Variants in NPLOC4 observed in about 807,000 individuals in gnomAD.
NPLOC4 encodes nuclear protein localization protein 4 homolog.
In NPLOC4, 18 loss-of-function variants were observed where a neutral mutation model predicts 80.6. The ratio of observed to expected loss-of-function variants is 0.22; its 90% confidence interval spans 0.15 to 0.33. The LOEUF (loss-of-function observed/expected upper bound fraction) is 0.33, where lower values mean the gene tolerates loss of function less well. Ranked by LOEUF, NPLOC4 falls within the 10% of genes least tolerant of loss-of-function variation. NPLOC4 has a pLI of 1.00. For missense variants in NPLOC4, 540 were observed against 786.1 expected (o/e 0.69, Z 3.74); for synonymous variants, 313 against 301.5 (o/e 1.04, Z -0.39).
chr17:81,633,556 T>C (rs563411514), intron 1 of NPLOC4, among the ~76,000 whole-genome samples: 61 of 152,258 alleles, frequency 4.0e-4, no homozygotes, highest in African/African-American at 1.4e-3. Context: ...TGACACAGAC[T>C]ACAAAATGAA....
chr17:81,560,809 G>A (rs899956479), intron 16 of NPLOC4: 2 of 152,202 alleles, frequency 1.3e-5, no homozygotes, highest in South Asian at 4.1e-4. Context: ...AGGGTGGCAC[G>A]GTTTTGCCTC....
chr17:81,589,599 T>C (rs951623319), intron 11 of NPLOC4, among the ~76,000 whole-genome samples: 8 of 151,066 alleles, frequency 5.3e-5, no homozygotes, highest in African/African-American at 1.7e-4. Flanking sequence ...GCACAAGACC[T>C]AGCACAGTCA....
intron 16 of NPLOC4, 149 bp downstream of exon 16, chr17:81,565,356 A>C (rs912388027): frequency 1.3e-6 from 1 of 745,602 alleles, no homozygotes; most frequent in African/African-American, 1.7e-5. Context: ...AGGGAGGCCG[A>C]GTCTCTACTC....
intron 1 of NPLOC4, among the ~76,000 whole-genome samples, chr17:81,630,298 T>A (rs1373355818): frequency 1.3e-5 from 2 of 152,134 alleles, no homozygotes; most frequent in African/African-American, 2.4e-5. Context: ...TACTTTTTTT[T>A]TGCTTTTTTG....
chr17:81,581,963 C>T (rs1009533833), intron 12 of NPLOC4, among the ~76,000 whole-genome samples: 7 of 152,180 alleles, frequency 4.6e-5, no homozygotes, highest in African/African-American at 7.2e-5. Context: ...GTCTCTGGGA[C>T]GTGCTGACAG....
chr17:81,593,253 CTT>C (rs1303974322), intron 11 of NPLOC4, among the ~76,000 whole-genome samples: 1 of 152,016 alleles, frequency 6.6e-6, no homozygotes, highest in East Asian at 1.9e-4. Context: ...AGGGCACACT[CTT>C]CTGCTTGGAA....
intron 13 of NPLOC4, among the ~76,000 whole-genome samples, chr17:81,570,235 G>A (rs1197239655): frequency 6.6e-6 from 1 of 152,250 alleles, no homozygotes; most frequent in East Asian, 1.9e-4. Flanking sequence ...CGGCTACATG[G>A]CCTCGTCAGT....
intron 8 of NPLOC4, among the ~76,000 whole-genome samples, chr17:81,602,158 T>C (rs7503932): frequency 0.082 from 12,535 of 152,088 alleles, 590 homozygotes; most frequent in Middle Eastern, 0.17. Flanking sequence ...CATACACCGA[T>C]AGTCCCAGCT....
At chr17:81,582,990 C>A (rs12601028) in intron 12 of NPLOC4, among the ~76,000 whole-genome samples, 3 of 152,276 alleles carry the variant, frequency 2.0e-5, no homozygotes, top group African/African-American at 7.2e-5. Context: ...GGCGCCGCCC[C>A]TGCGCACTCA....
At chr17:81,594,274 CAAAAAAAAAAAAAAAA>C (rs869281063) in intron 11 of NPLOC4, among the ~76,000 whole-genome samples, 3 of 53,666 alleles carry the variant, frequency 5.6e-5, no homozygotes, top group East Asian at 1.5e-3. Flanking sequence ...GACTCCGTCT[CAAAAAAAAAAAAAAAA>C]AAAAAAAAAA....
chr17:81,569,212 C>T, intron 13 of NPLOC4, 101 bp from the exon 14 acceptor site: 1 of 707,724 alleles, frequency 1.4e-6, no homozygotes, highest in Non-Finnish European at 2.5e-6. Context: ...ATTAACGACT[C>T]CTAGCAATTC....
rs8068511 is a variant in NPLOC4, at chr17:81,557,764, T to A, written c.*1495A>T. 85,725 of 152,126 alleles carry A rather than the reference T, an allele frequency of 0.56. 25,203 individuals are homozygous for A. Among genetic ancestry groups the A allele is most frequent in the South Asian group, 0.68 (3,262 of 4,824 alleles). The allele number at this position is 152,126 out of a possible 1,614,324, so 9.4% of individuals were successfully genotyped here. A position where few individuals can be genotyped will look rare whatever the true frequency, so the allele number is the denominator to read the frequency against. The stretch of plus-strand genomic sequence containing the variant: ...CTCCACCCTTCCTGACCCTCCACAA[T>A]AGCTCTGCCGTGACCAGACCCAACC... On this transcript the variant is annotated 3_prime_UTR_variant, in exon 17 of 17. Coordinates refer to ENST00000331134, the MANE Select transcript of NPLOC4 (RefSeq NM_017921.4).
chr17:81,566,642 G>A (rs1157085583), intron 15 of NPLOC4: 2 of 152,232 alleles, frequency 1.3e-5, no homozygotes, highest in Non-Finnish European at 2.9e-5. Context: ...AAACTAGCAG[G>A]ATACAAGAAC....
chr17:81,594,947 AAACG>A (rs199554826), intron 11 of NPLOC4, among the ~76,000 whole-genome samples: 1,982 of 152,136 alleles, frequency 0.013, 63 homozygotes, highest in African/African-American at 0.045. Context: ...GTCTCAAAAC[AAACG>A]AACAAACAAA....
In NPLOC4 at chr17:81,559,087, A is replaced by G; in HGVS notation, c.*172T>C. On this transcript the variant is annotated 3_prime_UTR_variant, in exon 17 of 17. Transcript: ENST00000331134. ...ATACCAGCCGTGGCGCCCGCTCTCC[A>G]GGGAGGAACGTGCTGAGAAGCTTCA... is the stretch of plus-strand genomic sequence containing the variant. The G allele has an allele frequency of 2.9e-6, 2 of 699,292 alleles. No individual in the cohort carries two copies. The highest frequency in any genetic ancestry group is 2.3e-6 in the Non-Finnish European group (1 of 433,422). 43.3% of individuals were successfully genotyped at this position (699,292 alleles called of 1,614,324 possible). A position where few individuals can be genotyped will look rare whatever the true frequency, so the allele number is the denominator to read the frequency against.
At chr17:81,607,299 A>G (rs1053927800) in intron 6 of NPLOC4, among the ~76,000 whole-genome samples, 5 of 152,180 alleles carry the variant, frequency 3.3e-5, no homozygotes, top group African/African-American at 1.2e-4. Flanking sequence ...CTTTAGGCTA[A>G]AATAAAAACT....
chr17:81,610,718 C>T (rs1169820713), intron 4 of NPLOC4, among the ~76,000 whole-genome samples: 3,613 of 85,186 alleles, frequency 0.042, 74 homozygotes, highest in Middle Eastern at 0.11. Flanking sequence ...TTTGGGAGGC[C>T]GAGGCGGGTG....
intron 8 of NPLOC4, among the ~76,000 whole-genome samples, chr17:81,601,442 G>A (rs551264216): frequency 6.6e-6 from 1 of 152,314 alleles, no homozygotes; most frequent in South Asian, 2.1e-4. Context: ...TGTATTTTTA[G>A]TAGAAACGGG....
intron 2 of NPLOC4, among the ~76,000 whole-genome samples, chr17:81,628,296 C>T (rs898295100): frequency 6.6e-6 from 1 of 151,472 alleles, no homozygotes; most frequent in South Asian, 2.1e-4. Context: ...GGGTGGATCA[C>T]GAGGTCGGGA....
Sources: allele counts gnomAD v4.1 joint callset (sites outside exome capture counted in the v4.1 genomes callset), GRCh38; gene constraint gnomAD v4.1.1; transcripts MANE v1.5; gene names NCBI Gene and HGNC (gene_info 2026-07-23, HGNC 2026-07-21).